GCM1: variants seen among roughly 807,000 people sequenced by gnomAD.
GCM1 encodes the protein GCM transcription factor 1, also known as chorion-specific transcription factor GCMa.
A neutral mutation model predicts 25.7 loss-of-function variants in GCM1; 2 were observed. That is an observed-to-expected ratio of 0.08 (90% CI 0.03 to 0.24). GCM1 has a LOEUF of 0.24. Ranked by LOEUF, GCM1 falls within the 10% of genes least tolerant of loss-of-function variation. The pLI, the probability that GCM1 is intolerant of heterozygous loss-of-function variation, is 1.00. For missense variants in GCM1, 395 were observed against 538.7 expected (o/e 0.73, Z 2.64); for synonymous variants, 183 against 195.7 (o/e 0.94, Z 0.54).
chr6:53,142,870 CA>C (rs60718730), intron 2 of GCM1, among the ~76,000 whole-genome samples: 237 of 37,494 alleles, frequency 6.3e-3, no homozygotes, highest in South Asian at 0.018. Flanking sequence ...CAAGGATCTC[CA>C]AAAAAAAAAA....
Position 53,134,116 on chromosome 6 carries a change from T to C in GCM1, c.284A>G (p.Tyr95Cys). 2 of 1,614,144 alleles carry C rather than the reference T, an allele frequency of 1.2e-6. No homozygotes were observed. Among genetic ancestry groups the C allele is most frequent in the Non-Finnish European group, 1.7e-6 (2 of 1,179,998 alleles). Reference sequence around the variant, plus strand: ...CTTGTCACAGATGGCAGGTCTCAGGTAGATCTTGCGCCCCTCCTCTGCGAG... The same window carrying C: ...CTTGTCACAGATGGCAGGTCTCAGGCAGATCTTGCGCCCCTCCTCTGCGAG... ...DCLAEEGRKI[Y>C]LRPAICDKAR... is the part of the protein sequence containing the mutation. The change falls in exon 3 of 6, where the codon TAC becomes TGC. Residue 95 changes from tyrosine to cysteine, a missense_variant. By Grantham distance (194) the Tyr-to-Cys change is radical. This residue lies in a region of GCM1 where 21 missense variants were observed against 22.9 expected (regional missense o/e 0.92). Transcript: ENST00000259803.
intron 2 of GCM1, among the ~76,000 whole-genome samples, chr6:53,143,667 T>A (rs980926455): frequency 6.6e-6 from 1 of 152,148 alleles, no homozygotes; most frequent in Non-Finnish European, 1.5e-5. Flanking sequence ...GTAATACTAA[T>A]TAAGAGCAAC....
chr6:53,140,388 T>C (rs529144870), intron 2 of GCM1, among the ~76,000 whole-genome samples: 2 of 152,274 alleles, frequency 1.3e-5, no homozygotes, highest in South Asian at 4.2e-4. Context: ...ATATTCATGT[T>C]TGATCACAAT....
chr6:53,141,802 G>A (rs559152304), intron 2 of GCM1, among the ~76,000 whole-genome samples: 8 of 151,628 alleles, frequency 5.3e-5, no homozygotes, highest in Admixed American at 2.0e-4. Context: ...CCTGGGGTTC[G>A]AGACCAGCCT....
At chr6:53,129,272 C>CT (rs11342377) in intron 5 of GCM1, among the ~76,000 whole-genome samples, 18 of 119,396 alleles carry the variant, frequency 1.5e-4, no homozygotes, top group African/African-American at 4.3e-4. Context: ...TTTATTTATT[C>CT]TTTTTTTTTT....
At chr6:53,148,235 G>A (rs954799872) in intron 1 of GCM1, among the ~76,000 whole-genome samples, 4 of 152,174 alleles carry the variant, frequency 2.6e-5, no homozygotes, top group African/African-American at 9.7e-5. Context: ...GAACAGTAAC[G>A]ATATTGTCTC....
intron 2 of GCM1, among the ~76,000 whole-genome samples, chr6:53,143,402 C>G (rs980490783): frequency 6.6e-6 from 1 of 152,096 alleles, no homozygotes; most frequent in Admixed American, 6.6e-5. Context: ...AATCCTGTCC[C>G]AGAAAAAATT....
In GCM1 at chr6:53,128,028, C is replaced by CA. The variant is rs1223691364; in HGVS notation, c.*177dup. On this transcript the variant is annotated 3_prime_UTR_variant, in exon 6 of 6. Coordinates refer to ENST00000259803, the MANE Select transcript of GCM1 (RefSeq NM_003643.4). ...TGGGCAAAAGAGCAAGACTCTGTCT[C>CA]AAAAAAAAAAAAAAAAAAAAAAAAA... 0.013 allele frequency: 868 copies of CA among 66,268 alleles called. 25 individuals are homozygous for CA. Among genetic ancestry groups the CA allele is most frequent in the African/African-American group, 0.013 (126 of 9,518 alleles). The allele number at this position is 66,268 out of a possible 1,614,324, so 4.1% of individuals were successfully genotyped here.
At chr6:53,133,769 C>T (rs1488498445) in intron 3 of GCM1, among the ~76,000 whole-genome samples, 2 of 152,184 alleles carry the variant, frequency 1.3e-5, no homozygotes, top group Non-Finnish European at 2.9e-5. Context: ...GCTGAGATTA[C>T]AGGTGTGAGC....
chr6:53,131,199 A>T (rs1219628259), intron 4 of GCM1, among the ~76,000 whole-genome samples: 1 of 152,144 alleles, frequency 6.6e-6, no homozygotes, highest in African/African-American at 2.4e-5. Flanking sequence ...GACACAAATA[A>T]ACACCCTGTG....
In GCM1 at chr6:53,128,656, G is replaced by A. The variant is rs766178059; in HGVS notation, c.861C>T (p.Val287=). The change falls in exon 6 of 6, where the codon GTC becomes GTT. Residue 287 remains valine, a synonymous_variant. Transcript: ENST00000259803. ...CTTGTAGATCGCCATGATCAGAGTA[G>A]ACTCCGGAGGCAGAAGGAGGAAGCA... ...GDLLPPSASG[V]YSDHGDLQAW... is the part of the protein sequence containing the mutation. 41 of 1,613,726 alleles carry A rather than the reference G, an allele frequency of 2.5e-5. No homozygotes were observed. The highest frequency in any genetic ancestry group is 1.9e-5 in the Non-Finnish European group (23 of 1,179,742).
intron 2 of GCM1, 136 bp downstream of exon 2, chr6:53,145,422 C>T (rs1039560663): frequency 1.6e-5 from 11 of 679,486 alleles, no homozygotes; most frequent in Non-Finnish European, 2.9e-5. Flanking sequence ...CCTCAGTCGG[C>T]TGTCTAGCTG....
chr6:53,129,244 C>T (rs1358041759), intron 5 of GCM1, among the ~76,000 whole-genome samples: 1 of 151,228 alleles, frequency 6.6e-6, no homozygotes, highest in African/African-American at 2.4e-5. Flanking sequence ...AAACACAAAT[C>T]TGATATCCTA....
At chr6:53,138,643 C>T (rs1763833498) in intron 2 of GCM1, among the ~76,000 whole-genome samples, 1 of 152,154 alleles carries the variant, frequency 6.6e-6, no homozygotes, top group African/African-American at 2.4e-5. Flanking sequence ...TAATTTCTAA[C>T]TTTTCATGAG....
chr6:53,132,485 C>T (rs554716674), intron 3 of GCM1, among the ~76,000 whole-genome samples: 28 of 152,304 alleles, frequency 1.8e-4, no homozygotes, highest in African/African-American at 6.5e-4. Flanking sequence ...CCAAGGCAGG[C>T]GGATCCACTT....
intron 4 of GCM1, among the ~76,000 whole-genome samples, chr6:53,131,233 C>G (rs1205217067): frequency 6.6e-6 from 1 of 152,190 alleles, no homozygotes; most frequent in African/African-American, 2.4e-5. Context: ...ATTTCATCTT[C>G]AGCACAACCA....
intron 1 of GCM1, among the ~76,000 whole-genome samples, chr6:53,148,279 T>C (rs747317095): frequency 2.0e-5 from 3 of 152,222 alleles, no homozygotes; most frequent in Non-Finnish European, 2.9e-5. Flanking sequence ...CTAATTGGAA[T>C]AGATCTACTT....
At chr6:53,129,471 G>A (rs1763693652) in intron 5 of GCM1, among the ~76,000 whole-genome samples, 1 of 151,916 alleles carries the variant, frequency 6.6e-6, no homozygotes, top group Admixed American at 6.6e-5. Flanking sequence ...ATGGGGTTTT[G>A]CCATGTTGGC....
chr6:53,138,457 C>T lies in GCM1; in HGVS notation c.76-4133G>A, dbSNP rs576227293. Among the ~76,000 whole-genome samples, 4 of 151,932 alleles carry T rather than the reference C, an allele frequency of 2.6e-5. No individual in the cohort carries two copies. In the South Asian group the frequency reaches 8.3e-4, roughly 32 times the overall value. ...TTTTACACTGAAATTAAGAGAAAAC[C>T]CAGATCTCAATAATGCAGAGGAACC... On this transcript the variant is annotated intron_variant, in intron 2 of 5. Coordinates refer to ENST00000259803, the MANE Select transcript of GCM1 (RefSeq NM_003643.4).
Sources: allele counts gnomAD v4.1 joint callset (sites outside exome capture counted in the v4.1 genomes callset), GRCh38; gene constraint gnomAD v4.1.1; regional missense constraint gnomAD v4.1.1; transcripts MANE v1.5; gene names NCBI Gene and HGNC (gene_info 2026-07-23, HGNC 2026-07-21).